Variants in P2RY14 observed in about 807,000 individuals in gnomAD.
P2RY14 encodes the protein P2Y purinoceptor 14.
In P2RY14, 2 loss-of-function variants were observed where a neutral mutation model predicts 0.9. The ratio of observed to expected loss-of-function variants is 2.16; its 90% CI spans 0.88 to 6.79. P2RY14 has a LOEUF of 6.79. P2RY14 is among the 30% of genes most tolerant of loss of function. The pLI is 0.05. For missense variants in P2RY14, 378 were observed against 400.1 expected (o/e 0.94, Z 0.47); for synonymous variants, 158 against 147.2 (o/e 1.07, Z -0.53).
At chr3:151,262,130 A>C (rs1429834696) in intron 1 of P2RY14, among the ~76,000 whole-genome samples, 1 of 152,206 alleles carries the variant, frequency 6.6e-6, no homozygotes, top group Non-Finnish European at 1.5e-5. Flanking sequence ...GAATTTATTG[A>C]AAGTTAGATA....
chr3:151,215,224 G>A (rs1304362812), intron 2 of P2RY14, among the ~76,000 whole-genome samples: 1 of 151,804 alleles, frequency 6.6e-6, no homozygotes, highest in East Asian at 1.9e-4. Flanking sequence ...GCTTCCCAAA[G>A]TACATTCTAC....
Position 151,254,710 on chromosome 3 carries a change from A to G in P2RY14, c.-133+23577T>C, listed in dbSNP as rs552634357. ...TTTCGCAGCATAGATGCTTCTTAGC[A>G]TTACAACTCAACAGGCAGAGGAGAT... On this transcript the variant is annotated intron_variant, in intron 1 of 2. Coordinates refer to ENST00000309170, the MANE Select transcript of P2RY14 (RefSeq NM_014879.4). Among the ~76,000 whole-genome samples the G allele has an allele frequency of 2.6e-5, 4 of 152,354 alleles. No homozygotes were observed. In the South Asian group the frequency reaches 8.3e-4, roughly 32 times the overall value.
chr3:151,248,688 A>C (rs183765318), intron 1 of P2RY14, among the ~76,000 whole-genome samples: 1 of 152,170 alleles, frequency 6.6e-6, no homozygotes, highest in Non-Finnish European at 1.5e-5. Context: ...TACAAGGAAA[A>C]TTTAACTAGA....
intron 1 of P2RY14, among the ~76,000 whole-genome samples, chr3:151,230,597 C>T (rs1731474402): frequency 6.6e-6 from 1 of 150,862 alleles, no homozygotes; most frequent in African/African-American, 2.4e-5. Flanking sequence ...AATGCACTTC[C>T]ACTTCCTTCT....
At chr3:151,265,791 G>T (rs1739711648) in intron 1 of P2RY14, among the ~76,000 whole-genome samples, 1 of 152,042 alleles carries the variant, frequency 6.6e-6, no homozygotes, top group Non-Finnish European at 1.5e-5. Context: ...TGGTAAGATT[G>T]TGTTTGTATA....
In P2RY14 at chr3:151,213,659, A is replaced by T. The variant is rs776647428; in HGVS notation, c.658T>A (p.Ser220Thr). ...TTGACCGAAGTGGAATTCCGACTTGACTTAAGGTGGGACTTAAAGATTTTC... is the reference window on the plus strand; with the variant it reads ...TTGACCGAAGTGGAATTCCGACTTGTCTTAAGGTGGGACTTAAAGATTTTC... ...TKKIFKSHLK[S>T]SRNSTSVKKK... is the part of the protein sequence containing the mutation. The change falls in exon 3 of 3, where the codon TCA becomes ACA. Residue 220 changes from serine (S) to threonine (T), a missense_variant. Coordinates refer to ENST00000309170, the MANE Select transcript of P2RY14 (RefSeq NM_014879.4). 4 of 1,614,082 alleles carry T rather than the reference A, an allele frequency of 2.5e-6. No individual in the cohort carries two copies. The African/African-American group carries it at 5.3e-5, about 22-fold the overall frequency.
chr3:151,231,279 A>G (rs1300843174), intron 1 of P2RY14, among the ~76,000 whole-genome samples: 3 of 152,222 alleles, frequency 2.0e-5, no homozygotes, highest in Non-Finnish European at 4.4e-5. Flanking sequence ...TTCAGGCAAT[A>G]AGCTTCAATT....
At chr3:151,229,890 T>A (rs1157775520) in intron 1 of P2RY14, among the ~76,000 whole-genome samples, 1 of 152,204 alleles carries the variant, frequency 6.6e-6, no homozygotes, top group African/African-American at 2.4e-5. Context: ...AGCTTGAAGA[T>A]GTTGTTCAAG....
intron 1 of P2RY14, among the ~76,000 whole-genome samples, chr3:151,244,167 G>A (rs1211295896): frequency 5.3e-5 from 7 of 132,530 alleles, no homozygotes; most frequent in Admixed American, 2.4e-4. Flanking sequence ...CATTAATAAT[G>A]GGAGACTTTA....
chr3:151,218,606 A>G (rs955721713), intron 2 of P2RY14, among the ~76,000 whole-genome samples: 2 of 152,010 alleles, frequency 1.3e-5, no homozygotes, highest in Non-Finnish European at 2.9e-5. Flanking sequence ...CGGTGGCTCA[A>G]GCCTGTAATC....
intron 1 of P2RY14, among the ~76,000 whole-genome samples, chr3:151,238,548 G>A (rs911290750): frequency 1.3e-5 from 2 of 152,164 alleles, no homozygotes; most frequent in Admixed American, 6.5e-5. Flanking sequence ...AGAGTACTAA[G>A]ATGTTGCTAT....
chr3:151,241,394 T>C (rs1734046167), intron 1 of P2RY14, among the ~76,000 whole-genome samples: 1 of 152,232 alleles, frequency 6.6e-6, no homozygotes, highest in Admixed American at 6.5e-5. Context: ...CTTTTACTCT[T>C]GATTTTTTTC....
At chr3:151,248,435 T>C (rs994764757) in intron 1 of P2RY14, among the ~76,000 whole-genome samples, 1 of 152,206 alleles carries the variant, frequency 6.6e-6, no homozygotes, top group African/African-American at 2.4e-5. Context: ...CCAAACTGTC[T>C]GGTTTTTGTT....
chr3:151,240,860 C>T (rs1303625048), intron 1 of P2RY14, among the ~76,000 whole-genome samples: 2 of 152,166 alleles, frequency 1.3e-5, no homozygotes, highest in Non-Finnish European at 2.9e-5. Context: ...GGATTTGAAG[C>T]CAGATGACTT....
chr3:151,235,548 A>G (rs1392256710), intron 1 of P2RY14, among the ~76,000 whole-genome samples: 2 of 152,098 alleles, frequency 1.3e-5, no homozygotes, highest in African/African-American at 4.8e-5. Context: ...TACTAAAAAT[A>G]CAAAAATTAG....
chr3:151,259,778 A>G (rs1738515138), intron 1 of P2RY14, among the ~76,000 whole-genome samples: 1 of 152,230 alleles, frequency 6.6e-6, no homozygotes, highest in African/African-American at 2.4e-5. Context: ...ATTTCCAAAC[A>G]AAAGTTTAGA....
At chr3:151,264,602 G>A (rs1739486916) in intron 1 of P2RY14, among the ~76,000 whole-genome samples, 1 of 152,160 alleles carries the variant, frequency 6.6e-6, no homozygotes, top group East Asian at 1.9e-4. Flanking sequence ...CCCTCAAATT[G>A]CAGTTTAATT....
intron 1 of P2RY14, among the ~76,000 whole-genome samples, chr3:151,263,978 C>T (rs1739387047): frequency 6.6e-6 from 1 of 152,188 alleles, no homozygotes. Flanking sequence ...GATCTCTTAC[C>T]ACCACTCCTT....
intron 1 of P2RY14, among the ~76,000 whole-genome samples, chr3:151,259,620 T>C (rs1738486627): frequency 6.6e-6 from 1 of 152,210 alleles, no homozygotes. Flanking sequence ...TTCATAAACA[T>C]CTGAAAATGA....
Sources: allele counts gnomAD v4.1 joint callset (sites outside exome capture counted in the v4.1 genomes callset), GRCh38; gene constraint gnomAD v4.1.1; transcripts MANE v1.5; gene names NCBI Gene and HGNC (gene_info 2026-07-23, HGNC 2026-07-21).